The following CSMD1 variants were observed in gnomAD, a reference collection of about 807,000 sequenced individuals.
CSMD1 encodes CUB and Sushi multiple domains 1, also known as CUB and sushi domain-containing protein 1.
Under a neutral mutation model 417.5 loss-of-function variants are expected in CSMD1, and 213 were observed. That is an observed-to-expected ratio of 0.51 (90% CI 0.46 to 0.57). CSMD1 has a LOEUF of 0.57. Ranked by LOEUF, CSMD1 falls within the 20% of genes least tolerant of loss-of-function variation. The pLI is 0.00. For synonymous variants in CSMD1, 2,862 were observed against 1,736.8 expected (o/e 1.65, Z -16.11); for missense variants, 6,923 against 4,529.7 (o/e 1.53, Z -15.17).
chr8:3,365,352 G>A (rs181437033), intron 20 of CSMD1, among the ~76,000 whole-genome samples: 56 of 152,310 alleles, frequency 3.7e-4, no homozygotes, highest in African/African-American at 1.1e-3. Context: ...GTATAAAGTA[G>A]TTCAGAGCAT....
intron 1 of CSMD1, among the ~76,000 whole-genome samples, chr8:4,876,673 G>T (rs937052174): frequency 3.4e-4 from 51 of 152,000 alleles, no homozygotes; most frequent in Admixed American, 3.3e-3. Flanking sequence ...TTTAAGTGCC[G>T]TTAGGTGCAT....
intron 1 of CSMD1, among the ~76,000 whole-genome samples, chr8:4,721,724 G>A (rs957499089): frequency 2.0e-5 from 3 of 152,096 alleles, no homozygotes; most frequent in Non-Finnish European, 4.4e-5. Context: ...CAAAGGAAAT[G>A]AAACCAGCAC....
intron 1 of CSMD1, among the ~76,000 whole-genome samples, chr8:4,663,035 C>G (rs1478277): frequency 0.11 from 17,244 of 152,182 alleles, 1,230 homozygotes; most frequent in East Asian, 0.25. Flanking sequence ...AATCTCTGTT[C>G]CAGCCCAGAG....
At chr8:4,901,135 G>A (rs953923871) in intron 1 of CSMD1, among the ~76,000 whole-genome samples, 1 of 152,212 alleles carries the variant, frequency 6.6e-6, no homozygotes, top group Non-Finnish European at 1.5e-5. Context: ...GCAATTGCAT[G>A]TTCAAAGTGT....
At chr8:3,717,481 C>T (rs746702564) in intron 6 of CSMD1, among the ~76,000 whole-genome samples, 14 of 152,036 alleles carry the variant, frequency 9.2e-5, no homozygotes, top group Non-Finnish European at 1.3e-4. Flanking sequence ...TGTTGTAGGA[C>T]GTTCCCCTTA....
intron 2 of CSMD1, among the ~76,000 whole-genome samples, chr8:4,523,060 A>G (rs1803559472): frequency 6.6e-6 from 1 of 152,206 alleles, no homozygotes; most frequent in Middle Eastern, 3.2e-3. Context: ...GCAGAGCTGC[A>G]AAATTCACAG....
chr8:3,590,838 T>C (rs1477312511), intron 8 of CSMD1, among the ~76,000 whole-genome samples: 1 of 152,200 alleles, frequency 6.6e-6, no homozygotes, highest in Non-Finnish European at 1.5e-5. Context: ...ATTAATTCAA[T>C]CTTTTGCTCT....
At chr8:3,388,362 CTT>C (rs921833255) in intron 17 of CSMD1, among the ~76,000 whole-genome samples, 5 of 151,448 alleles carry the variant, frequency 3.3e-5, no homozygotes, top group Non-Finnish European at 7.4e-5. Flanking sequence ...TCTCATTTCT[CTT>C]TTTAGAAAAA....
chr8:4,367,941 A>T (rs1802180005), intron 3 of CSMD1, among the ~76,000 whole-genome samples: 1 of 152,078 alleles, frequency 6.6e-6, no homozygotes, highest in Non-Finnish European at 1.5e-5. Flanking sequence ...TCAGTTCTAG[A>T]AGCCTTCTGG....
chr8:4,563,784 A>G (rs536646104), intron 2 of CSMD1, among the ~76,000 whole-genome samples: 71 of 152,264 alleles, frequency 4.7e-4, no homozygotes, highest in African/African-American at 1.6e-3. Context: ...CCTGTCCTAA[A>G]TGTTTCTGTC....
At chr8:4,361,646 C>T (rs1801771439) in intron 3 of CSMD1, among the ~76,000 whole-genome samples, 1 of 151,986 alleles carries the variant, frequency 6.6e-6, no homozygotes. Flanking sequence ...TTTTGTTTTT[C>T]CTTAAAGAAG....
chr8:4,192,987 C>G (rs1475058516), intron 3 of CSMD1, among the ~76,000 whole-genome samples: 1 of 152,192 alleles, frequency 6.6e-6, no homozygotes, highest in Non-Finnish European at 1.5e-5. Flanking sequence ...TTTTGCAAAT[C>G]AAATGCAATC....
At chr8:4,589,740 C>A (rs954679342) in intron 2 of CSMD1, among the ~76,000 whole-genome samples, 2 of 151,968 alleles carry the variant, frequency 1.3e-5, no homozygotes, top group African/African-American at 4.8e-5. Context: ...ATTATCACGG[C>A]CAAAAAAATG....
At chr8:3,616,010 C>G (rs927776032) in intron 8 of CSMD1, among the ~76,000 whole-genome samples, 3 of 152,126 alleles carry the variant, frequency 2.0e-5, no homozygotes, top group Non-Finnish European at 4.4e-5. Context: ...AAATGATATG[C>G]ATTTTCTGAA....
chr8:2,969,938 G>A (rs1463595394), intron 57 of CSMD1, among the ~76,000 whole-genome samples: 3 of 152,088 alleles, frequency 2.0e-5, no homozygotes, highest in Admixed American at 2.0e-4. Context: ...AGTTTTAGAA[G>A]TAATCAATTT....
At chr8:3,907,195 G>A (rs775071718) in intron 5 of CSMD1, among the ~76,000 whole-genome samples, 6 of 152,148 alleles carry the variant, frequency 3.9e-5, no homozygotes, top group African/African-American at 9.7e-5. Flanking sequence ...CTGAATCAGC[G>A]ATCTGATCTC....
chr8:3,847,186 C>T (rs62479954), intron 5 of CSMD1, among the ~76,000 whole-genome samples: 305 of 152,108 alleles, frequency 2.0e-3, no homozygotes, highest in Admixed American at 2.9e-3. Context: ...TTACAGGTGG[C>T]GCGGTGTCAC....
At chr8:3,013,522 G>A (rs550445902) in intron 52 of CSMD1, among the ~76,000 whole-genome samples, 7 of 152,232 alleles carry the variant, frequency 4.6e-5, no homozygotes, top group East Asian at 1.9e-4. Context: ...AGGCCAAGGC[G>A]GGCAGATCAC....
chr8:4,375,524 T>G (rs73510644), intron 3 of CSMD1, among the ~76,000 whole-genome samples: 8,812 of 152,124 alleles, frequency 0.058, 654 homozygotes, highest in African/African-American at 0.17. Context: ...AAGAATTTTT[T>G]TTTCCTCCTT....
Sources: gnomAD v4.1 joint callset for allele counts (sites outside exome capture counted in the v4.1 genomes callset) on GRCh38, gnomAD v4.1.1 for gene constraint, MANE v1.5 for transcripts, NCBI Gene and HGNC (gene_info 2026-07-23, HGNC 2026-07-21) for gene names.